COPS5: variants seen among roughly 807,000 people sequenced by gnomAD.
The protein encoded by COPS5 is COP9 signalosome subunit 5.
A neutral mutation model predicts 44.4 loss-of-function variants in COPS5; 8 were observed. That is an observed-to-expected ratio of 0.18 (90% CI 0.11 to 0.32). The LOEUF is 0.32. COPS5 is among the 10% of genes least tolerant of loss of function. The probability of loss-of-function intolerance (pLI) is 1.00; values close to 1 mark genes in which losing one functional copy is unlikely to be tolerated. For missense variants in COPS5, 159 were observed against 406.4 expected (o/e 0.39, Z 5.23); for synonymous variants, 122 against 142.8 (o/e 0.85, Z 1.04).
chr8:67,050,558 A>AGTAT (rs1804389783), intron 6 of COPS5, among the ~76,000 whole-genome samples: 4 of 140,996 alleles, frequency 2.8e-5, no homozygotes, highest in African/African-American at 1.0e-4. Flanking sequence ...TGTGAGTGTG[A>AGTAT]GTGTGTGTGT....
At chr8:67,047,685 C>A in intron 6 of COPS5, 1 of 614,522 alleles carries the variant, frequency 1.6e-6, no homozygotes, top group South Asian at 1.9e-5. Context: ...GTAATTTAAC[C>A]TTTTCTTGAT....
chr8:67,059,088 A>C, intron 2 of COPS5, 123 bp downstream of exon 2: 1 of 642,726 alleles, frequency 1.6e-6, no homozygotes, highest in Non-Finnish European at 2.6e-6. Context: ...CATTTTACAT[A>C]TAAATCATTA....
At chr8:67,059,547 G>A in intron 1 of COPS5, 102 bp from the exon 2 acceptor site, 4 of 814,468 alleles carry the variant, frequency 4.9e-6, no homozygotes, top group South Asian at 1.7e-5. Flanking sequence ...AATTTAGAGC[G>A]ATGGAAAGGG....
intron 6 of COPS5, among the ~76,000 whole-genome samples, chr8:67,047,446 G>C (rs1427746709): frequency 6.6e-6 from 1 of 152,036 alleles, no homozygotes; most frequent in African/African-American, 2.4e-5. Context: ...TAAAAATATA[G>C]GCTACCAGAA....
chr8:67,053,082 C>T (rs868075064), intron 5 of COPS5, among the ~76,000 whole-genome samples: 2 of 151,774 alleles, frequency 1.3e-5, no homozygotes, highest in Non-Finnish European at 2.9e-5. Context: ...ACATAGGCAC[C>T]CTTTTAAAAA....
At chr8:67,059,000 T>G in intron 2 of COPS5, among the ~76,000 whole-genome samples, 1 of 147,836 alleles carries the variant, frequency 6.8e-6, no homozygotes. Flanking sequence ...TGAGTCCCTG[T>G]CTCGAAAAAA....
In COPS5 at chr8:67,054,075, C is replaced by T. The variant is rs369021527; in HGVS notation, c.659+2444G>A. On this transcript the variant is annotated intron_variant, in intron 5 of 7. Transcript: ENST00000357849. ...AATTCTAGTCTTTAGCAATGTAGGC[C>T]GCTAGCAAAGTAGCTATCCCTCTTT... is the stretch of plus-strand genomic sequence containing the variant. Among the ~76,000 whole-genome samples the T allele has an allele frequency of 7.3e-5, 11 of 151,660 alleles. No homozygotes were observed. The East Asian group carries it at 7.8e-4, about 11-fold the overall frequency.
chr8:67,046,715 C>T (rs1205812674), intron 6 of COPS5, among the ~76,000 whole-genome samples: 2 of 146,818 alleles, frequency 1.4e-5, no homozygotes, highest in African/African-American at 5.0e-5. Flanking sequence ...CCCAGCTACT[C>T]GGGAGGCTGA....
intron 6 of COPS5, among the ~76,000 whole-genome samples, chr8:67,046,824 C>CAAAA (rs771868140): frequency 0.014 from 571 of 41,164 alleles, no homozygotes; most frequent in East Asian, 0.019. Context: ...ACTCTGTCTC[C>CAAAA]AAAAAAAAAA....
chr8:67,043,966 G>A (rs1816668519), intron 7 of COPS5: 2 of 152,144 alleles, frequency 1.3e-5, no homozygotes, highest in African/African-American at 2.4e-5. Flanking sequence ...TAGATAAACT[G>A]ATAAATGACA....
Position 67,062,071 on chromosome 8 carries a change from C to A in COPS5, c.-75G>T. ...ACCTCGCTAGGTTTCCGGGTGTGGG[C>A]CTTGACCCTCCGCACCACGGGAACA... On this transcript the variant is annotated 5_prime_UTR_variant, in exon 1 of 8. Coordinates refer to ENST00000357849, the MANE Select transcript of COPS5 (RefSeq NM_006837.3). 1 of 1,605,394 alleles carries A rather than the reference C, an allele frequency of 6.2e-7. No homozygotes were observed.
In COPS5 at chr8:67,059,306, T is replaced by C; in HGVS notation, c.283A>G (p.Ser95Gly). Residue 95 changes from serine (S) to glycine (G), a missense_variant, in exon 2 of 8, where the codon AGT (serine) becomes GGT (glycine). This residue lies in a region of COPS5 where 134 missense variants were observed against 376.7 expected (regional missense o/e 0.36). Transcript: ENST00000357849. ...VDGETMIIMD[S>G]FALPVEGTET... ...GTGCCCTCCACAGGCAAAGCAAAAC[T>C]GTCCATAATGATCATGGTTTCACCA... is the stretch of plus-strand genomic sequence containing the variant. 6.2e-7 allele frequency: 1 copy of C among 1,614,206 alleles called. No homozygotes were observed. The highest frequency in any genetic ancestry group is 8.5e-7 in the Non-Finnish European group (1 of 1,180,036).
intron 4 of COPS5, 42 bp from the exon 5 acceptor site, chr8:67,056,646 AAAAAAAATATATATAT>A (rs1804506867): frequency 7.3e-5 from 7 of 96,338 alleles, no homozygotes; most frequent in East Asian, 2.7e-4. Flanking sequence ...GAAAAAAAAA[AAAAAAAATATATATAT>A]ATATATATAT....
At chr8:67,045,572 TC>T (rs1816691175) in intron 7 of COPS5, 1 of 480,486 alleles carries the variant, frequency 2.1e-6, no homozygotes, top group Admixed American at 3.5e-5. Flanking sequence ...CTGGGAGTGT[TC>T]CGTAACACTG....
intron 7 of COPS5, chr8:67,044,354 G>C (rs1047833136): frequency 6.6e-6 from 1 of 151,520 alleles, no homozygotes; most frequent in South Asian, 2.1e-4. Flanking sequence ...GCCGAAAAAC[G>C]CAACTTTTAT....
intron 7 of COPS5, chr8:67,045,518 G>T (rs767670479): frequency 5.8e-5 from 20 of 347,576 alleles, no homozygotes; most frequent in Non-Finnish European, 9.6e-5. Flanking sequence ...ATCCACTTAA[G>T]GGCTGCTTTT....
intron 5 of COPS5, among the ~76,000 whole-genome samples, chr8:67,052,977 G>C (rs1810145289): frequency 1.3e-5 from 2 of 152,034 alleles, no homozygotes; most frequent in Admixed American, 1.3e-4. Context: ...AGAGAAACTG[G>C]AGGCAGGGAT....
At position 67,062,100 on chromosome 8, in the gene COPS5, T is replaced by C; in HGVS notation, c.-104A>G. 1.9e-6 allele frequency: 3 copies of C among 1,575,508 alleles called. No homozygotes were observed. Among genetic ancestry groups the C allele is most frequent in the Non-Finnish European group, 1.7e-6 (2 of 1,163,924 alleles). ...GACCCTCCGCACCACGGGAACAAAC[T>C]CTTACCTAGACTCTTGGGGCAGCCA... On this transcript the variant is annotated 5_prime_UTR_variant, in exon 1 of 8. Transcript: ENST00000357849.
At chr8:67,046,046 C>A in intron 6 of COPS5, 86 bp from the exon 7 acceptor site, 1 of 1,294,434 alleles carries the variant, frequency 7.7e-7, no homozygotes, top group Non-Finnish European at 1.1e-6. Context: ...TAATTTTCTA[C>A]AAAGAATATT....
Sources: gnomAD v4.1 joint callset for allele counts (sites outside exome capture counted in the v4.1 genomes callset) on GRCh38, gnomAD v4.1.1 for gene constraint, gnomAD v4.1.1 regional missense constraint, MANE v1.5 for transcripts, NCBI Gene and HGNC (gene_info 2026-07-23, HGNC 2026-07-21) for gene names.